ADCY3: variants seen among roughly 807,000 people sequenced by gnomAD.
ADCY3 encodes adenylate cyclase 3.
In ADCY3, 70 loss-of-function variants were observed where a neutral mutation model predicts 119.4. The observed-to-expected ratio is 0.59, with a 90% confidence interval of 0.48 to 0.72. ADCY3 has a LOEUF of 0.72. ADCY3 is among the 30% of genes least tolerant of loss of function. The pLI is 0.00. For synonymous variants in ADCY3, 672 were observed against 621.4 expected, an observed-to-expected ratio of 1.08 and a Z score of -1.21; for missense variants, 1,238 against 1,541.6, an observed-to-expected ratio of 0.80 and a Z score of 3.30.
chr2:24,827,434 CA>C, intron 15 of ADCY3, 111 bp downstream of exon 15: 1 of 1,165,008 alleles, frequency 8.6e-7, no homozygotes, highest in Non-Finnish European at 1.2e-6. Flanking sequence ...CTGCACGTAT[CA>C]GGTCACGTGC....
In ADCY3 at chr2:24,899,759, A is replaced by G. The variant is rs2148982965; in HGVS notation, c.675+18554T>C. Among the ~76,000 whole-genome samples the G allele has an allele frequency of 6.6e-6, 1 of 152,322 alleles. No homozygotes were observed. Among genetic ancestry groups the G allele is most frequent in the East Asian group, 1.9e-4 (1 of 5,184 alleles). ...TTATATAAAGAATGTATCTGTCCTA[A>G]ATGTGCATAGAGTCACATAAATATG... On this transcript the variant is annotated intron_variant, in intron 2 of 21. Coordinates refer to ENST00000679454, the MANE Select transcript of ADCY3 (RefSeq NM_004036.5). The surrounding 1 kb of genome is among the most constrained non-coding windows in gnomAD (Gnocchi z 4.5).
chr2:24,904,470 G>A (rs960930903), intron 2 of ADCY3, among the ~76,000 whole-genome samples: 5 of 151,970 alleles, frequency 3.3e-5, no homozygotes, highest in South Asian at 4.2e-4. Context: ...GCAGTGAGCC[G>A]AGATCGTGCC....
chr2:24,905,376 C>T (rs1679345036), intron 2 of ADCY3, among the ~76,000 whole-genome samples: 2 of 152,044 alleles, frequency 1.3e-5, no homozygotes, highest in African/African-American at 2.4e-5. Flanking sequence ...CCTCATGATC[C>T]GCCCGCCTCG....
chr2:24,870,596 A>C (rs6722726), intron 3 of ADCY3, among the ~76,000 whole-genome samples: 1 of 152,102 alleles, frequency 6.6e-6, no homozygotes, highest in South Asian at 2.1e-4. Flanking sequence ...CTGCTCTGCC[A>C]CTGCAGCGTG....
intron 2 of ADCY3, among the ~76,000 whole-genome samples, chr2:24,907,172 AG>A (rs1014649601): frequency 2.6e-5 from 4 of 152,244 alleles, no homozygotes; most frequent in African/African-American, 9.6e-5. Context: ...TAAATTCCTC[AG>A]GGCCTGGTCC....
At chr2:24,910,556 C>T (rs1360784802) in intron 2 of ADCY3, among the ~76,000 whole-genome samples, 1 of 152,122 alleles carries the variant, frequency 6.6e-6, no homozygotes, top group East Asian at 1.9e-4. Context: ...CAAATATAAT[C>T]CTTATTTGTT....
In ADCY3 at chr2:24,842,221, T is replaced by G; in HGVS notation, c.956+33A>C. Reference sequence around the variant, plus strand: ...AGATGCAGCCCTCCACAGCCTGCTCTGCCATCAGAGCCCGCGCCCCGGGCC... The same window carrying G: ...AGATGCAGCCCTCCACAGCCTGCTCGGCCATCAGAGCCCGCGCCCCGGGCC... On this transcript the variant is annotated intron_variant, in intron 4 of 21. Coordinates refer to ENST00000679454, the MANE Select transcript of ADCY3 (RefSeq NM_004036.5). This position sits in a 1 kb window ranked among gnomAD's most constrained non-coding sequence, Gnocchi z 4.9. 1 of 1,613,084 alleles carries G rather than the reference T, an allele frequency of 6.2e-7. No individual in the cohort carries two copies. Among genetic ancestry groups the G allele is most frequent in the Non-Finnish European group, 8.5e-7 (1 of 1,179,794 alleles).
At chr2:24,900,259 C>T (rs1257902239) in intron 2 of ADCY3, among the ~76,000 whole-genome samples, 10 of 147,228 alleles carry the variant, frequency 6.8e-5, no homozygotes, top group East Asian at 6.2e-4. Flanking sequence ...TACAGGTGTG[C>T]GCCACCACCC....
Position 24,831,714 on chromosome 2 carries a change from T to A in ADCY3, c.2003A>T (p.Glu668Val). The A allele has an allele frequency of 2.5e-6, 4 of 1,612,760 alleles. No homozygotes were observed. The highest frequency in any genetic ancestry group is 3.4e-6 in the Non-Finnish European group (4 of 1,179,826). ...GATGGTCAGGATGAGGAGCAGAATC[T>A]CCCCCACCATGAAGGTCACATAGTT... is the stretch of plus-strand genomic sequence containing the variant. ...MTNYVTFMVG[E>V]ILLLILTICS... Residue 668 changes from glutamate to valine, a missense_variant, in exon 12 of 22, where the codon GAG (glutamate) becomes GTG (valine). Glu to Val is a moderately radical substitution (Grantham distance 121). Transcript: ENST00000679454.
rs930046496 is a variant in ADCY3, at chr2:24,853,027, T to G, written c.826-10643A>C. Reference sequence around the variant, plus strand: ...GAGGGTGTGTGTGTGTGTGTGTGTGTGTGTGTGTGTGTGTGTGTGTGTGTG... The same window carrying G: ...GAGGGTGTGTGTGTGTGTGTGTGTGGGTGTGTGTGTGTGTGTGTGTGTGTG... On this transcript the variant is annotated intron_variant, in intron 3 of 21. Coordinates refer to ENST00000679454, the MANE Select transcript of ADCY3 (RefSeq NM_004036.5). Among the ~76,000 whole-genome samples, 59 of 87,884 alleles carry G rather than the reference T, an allele frequency of 6.7e-4. 1 individual carries two copies. Among genetic ancestry groups the G allele is most frequent in the African/African-American group, 1.8e-3 (39 of 21,902 alleles). 57.7% of individuals were successfully genotyped at this position (87,884 alleles called of 152,430 possible). A position where few individuals can be genotyped will look rare whatever the true frequency, so the allele number is the denominator to read the frequency against.
At chr2:24,895,391 C>G (rs936875042) in intron 2 of ADCY3, among the ~76,000 whole-genome samples, 1 of 152,048 alleles carries the variant, frequency 6.6e-6, no homozygotes, top group Non-Finnish European at 1.5e-5. Context: ...CTGACCAATT[C>G]TCTTCATTCT....
intron 3 of ADCY3, among the ~76,000 whole-genome samples, chr2:24,852,826 G>C (rs949890896): frequency 6.6e-6 from 1 of 152,228 alleles, no homozygotes; most frequent in Admixed American, 6.5e-5. Context: ...TGGTTCAGCC[G>C]AGCCCATCCC....
intron 3 of ADCY3, among the ~76,000 whole-genome samples, chr2:24,866,509 C>T (rs1169453030): frequency 1.6e-5 from 2 of 128,386 alleles, no homozygotes; most frequent in South Asian, 2.4e-4. Flanking sequence ...CCCAGGAACT[C>T]GAAGATGCAT....
intron 3 of ADCY3, among the ~76,000 whole-genome samples, chr2:24,861,774 G>A (rs2148729208): frequency 6.6e-6 from 1 of 152,298 alleles, no homozygotes; most frequent in East Asian, 1.9e-4. Flanking sequence ...AGAAGGGGAA[G>A]GATGCACAGG....
Position 24,841,514 on chromosome 2 carries a change from G to C in ADCY3, c.1068+42C>G, listed in dbSNP as rs1245794302. 7 of 1,599,508 alleles carry C rather than the reference G, an allele frequency of 4.4e-6. No homozygotes were observed. Among genetic ancestry groups the C allele is most frequent in the Non-Finnish European group, 6.0e-6 (7 of 1,171,488 alleles). ...GATGGGGGCCAGGCAGAGGCCATGA[G>C]GGCAGGCCCCGCTGGAGAGCCAGGC... On this transcript the variant is annotated intron_variant, in intron 5 of 21. Transcript: ENST00000679454. The surrounding 1 kb of genome is among the most constrained non-coding windows in gnomAD (Gnocchi z 5.8).
In ADCY3 at chr2:24,919,248, C is replaced by A; in HGVS notation, c.-197-64G>T. The A allele has an allele frequency of 2.1e-6, 1 of 469,644 alleles. No individual in the cohort carries two copies. The highest frequency in any genetic ancestry group is 3.9e-6 in the Non-Finnish European group (1 of 259,492). 29.1% of individuals were successfully genotyped at this position (469,644 alleles called of 1,614,324 possible). On this transcript the variant is annotated intron_variant, in intron 1 of 21. Transcript: ENST00000679454. This position sits in a 1 kb window ranked among gnomAD's most constrained non-coding sequence, Gnocchi z 5.5. ...CCTACCTTGCGGTTTCCCCATGACC[C>A]GCCCTAACCCTCATAAAAGGATCTC... is the stretch of plus-strand genomic sequence containing the variant.
intron 21 of ADCY3, 170 bp from the exon 22 acceptor site, chr2:24,820,284 G>T: frequency 7.9e-7 from 1 of 1,264,578 alleles, no homozygotes; most frequent in Admixed American, 3.5e-5. Flanking sequence ...CGAGCAGCGG[G>T]TGGGAAGGAG....
At chr2:24,907,574 T>C (rs954038967) in intron 2 of ADCY3, among the ~76,000 whole-genome samples, 10 of 152,038 alleles carry the variant, frequency 6.6e-5, no homozygotes, top group African/African-American at 2.4e-4. Flanking sequence ...ACTGAAAACC[T>C]GCTCAGAAGA....
At chr2:24,839,821 G>A in intron 7 of ADCY3, 52 bp downstream of exon 7, 1 of 1,611,916 alleles carries the variant, frequency 6.2e-7, no homozygotes, top group Non-Finnish European at 8.5e-7. Flanking sequence ...GGGGATGGAG[G>A]GGACGGTCCC....
Sources: allele counts gnomAD v4.1 joint callset (sites outside exome capture counted in the v4.1 genomes callset), GRCh38; gene constraint gnomAD v4.1.1; non-coding constraint Gnocchi (gnomAD v3.1); transcripts MANE v1.5; gene names NCBI Gene and HGNC (gene_info 2026-07-23, HGNC 2026-07-21).